RIN3: variants seen among roughly 807,000 people sequenced by gnomAD.
RIN3 encodes Ras and Rab interactor 3.
RIN3 carries 54 observed loss-of-function variants against 76.3 expected under a neutral mutation model. That is an observed-to-expected ratio of 0.71 (90% CI 0.57 to 0.89). RIN3 has a LOEUF of 0.89. Among genes scored for constraint, RIN3 ranks in the 40% least tolerant of loss-of-function variants. The pLI, the probability that RIN3 is intolerant of heterozygous loss-of-function variation, is 0.00. For missense variants in RIN3, 1,256 were observed against 1,322.1 expected, an observed-to-expected ratio of 0.95 and a Z score of 0.78; for synonymous variants, 576 against 564.0, an observed-to-expected ratio of 1.02 and a Z score of -0.30.
At chr14:92,672,037 C>G (rs7151636) in intron 7 of RIN3, among the ~76,000 whole-genome samples, 94,322 of 152,114 alleles carry the variant, frequency 0.62, 29,468 homozygotes, top group East Asian at 0.8. Context: ...GGCTATGAGG[C>G]AAGATGGGAA....
At chr14:92,548,920 T>A (rs1223137936) in intron 1 of RIN3, among the ~76,000 whole-genome samples, 1 of 152,032 alleles carries the variant, frequency 6.6e-6, no homozygotes, top group Non-Finnish European at 1.5e-5. Flanking sequence ...TTAACAGGAT[T>A]TGGGGGCCCA....
In RIN3 at chr14:92,688,168, T is replaced by G; in HGVS notation, c.2874T>G (p.Phe958Leu). The G allele has an allele frequency of 6.2e-7, 1 of 1,608,024 alleles. No homozygotes were observed. Among genetic ancestry groups the G allele is most frequent in the Non-Finnish European group, 8.5e-7 (1 of 1,178,446 alleles). Residue 958 changes from phenylalanine (F) to leucine (L), a missense_variant, in exon 10 of 10, where the codon TTT (phenylalanine) becomes TTG (leucine). Transcript: ENST00000216487. ...LRSEPKRDFH[F>L]VYRPLDGGGG... ...GCGAGCCCAAGCGCGACTTCCACTT[T>G]GTCTACCGGCCCCTGGACGGTGGTG... is the stretch of plus-strand genomic sequence containing the variant.
At chr14:92,531,993 A>C (rs1299496983) in intron 1 of RIN3, among the ~76,000 whole-genome samples, 3 of 146,626 alleles carry the variant, frequency 2.0e-5, no homozygotes, top group Admixed American at 6.8e-5. Flanking sequence ...CAGTGGTGTG[A>C]TCTCGGCTCG....
At chr14:92,548,437 G>A (rs1897337269) in intron 1 of RIN3, among the ~76,000 whole-genome samples, 1 of 152,200 alleles carries the variant, frequency 6.6e-6, no homozygotes, top group South Asian at 2.1e-4. Context: ...TAGGGCTGCA[G>A]TAGCAGGTTA....
intron 3 of RIN3, among the ~76,000 whole-genome samples, chr14:92,590,501 GC>G (rs1325978117): frequency 6.6e-6 from 1 of 152,006 alleles, no homozygotes; most frequent in African/African-American, 2.4e-5. Flanking sequence ...TGAAGTGCCT[GC>G]TCCCACTTCA....
In RIN3 at chr14:92,659,335, C is replaced by T. The variant is rs763204263; in HGVS notation, c.2201C>T (p.Pro734Leu). 7 of 1,612,046 alleles carry T rather than the reference C, an allele frequency of 4.3e-6. No homozygotes were observed. The highest frequency in any genetic ancestry group is 2.7e-5 in the African/African-American group (2 of 74,880). The change falls in exon 7 of 10, where the codon CCG becomes CTG. Residue 734 changes from proline (P) to leucine (L), a missense_variant. This residue lies in a region of RIN3 where 428 missense variants were observed against 521.2 expected (regional missense o/e 0.82). Transcript: ENST00000216487. ...GACCTAGGTGTGACCACCAGCGTGC[C>T]GGAGGTGCCCATGATGGAGAAGATC... ...TTDLGVTTSV[P>L]EVPMMEKILQ...
intron 3 of RIN3, among the ~76,000 whole-genome samples, chr14:92,614,651 G>C (rs1472240856): frequency 2.0e-5 from 3 of 151,706 alleles, no homozygotes; most frequent in Non-Finnish European, 4.4e-5. Context: ...AGTGAATAAG[G>C]CTCACGAGAT....
Position 92,681,864 on chromosome 14 carries a change from T to C in RIN3, c.2468-3123T>C, listed in dbSNP as rs1888674370. Reference sequence around the variant, plus strand: ...CTGTGGTAGCTTTAATTTAGTTTTTTCAAAAAATGTCTCTTATTTATTTTT... The same window carrying C: ...CTGTGGTAGCTTTAATTTAGTTTTTCCAAAAAATGTCTCTTATTTATTTTT... On this transcript the variant is annotated intron_variant, in intron 8 of 9. Transcript: ENST00000216487. This position sits in a 1 kb window ranked among gnomAD's most constrained non-coding sequence, Gnocchi z 4.7. 2.6e-5 allele frequency among the ~76,000 whole-genome samples: 4 copies of C among 152,066 alleles called. No homozygotes were observed. The highest frequency in any genetic ancestry group is 2.6e-4 in the Admixed American group (4 of 15,276).
intron 3 of RIN3, among the ~76,000 whole-genome samples, chr14:92,599,280 G>A (rs546108101): frequency 1.0e-3 from 158 of 152,272 alleles, no homozygotes; most frequent in African/African-American, 3.7e-3. Context: ...GGAGGTTGCC[G>A]AGGATGAAGA....
intron 3 of RIN3, among the ~76,000 whole-genome samples, chr14:92,587,428 G>A (rs915994431): frequency 5.3e-5 from 8 of 152,216 alleles, no homozygotes; most frequent in African/African-American, 1.9e-4. Context: ...CTAGGAAACG[G>A]GAACATAGGG....
In RIN3 at chr14:92,688,787, C is replaced by A. The variant is rs141462929; in HGVS notation, c.*535C>A. ...CAGAGCCTGCTCTTAGCTCCCGGTG[C>A]CCCCAGACCCCGCAGCTCTGTGCCC... On this transcript the variant is annotated 3_prime_UTR_variant, in exon 10 of 10. Coordinates refer to ENST00000216487, the MANE Select transcript of RIN3 (RefSeq NM_024832.5). 2.8e-3 allele frequency: 440 copies of A among 156,478 alleles called. No homozygotes were observed. Among genetic ancestry groups the A allele is most frequent in the South Asian group, 7.6e-3 (39 of 5,150 alleles). The allele number at this position is 156,478 out of a possible 1,614,324, so 9.7% of individuals were successfully genotyped here. A position where few individuals can be genotyped will look rare whatever the true frequency, so the allele number is the denominator to read the frequency against.
At chr14:92,590,160 G>C (rs1201651413) in intron 3 of RIN3, among the ~76,000 whole-genome samples, 1 of 152,218 alleles carries the variant, frequency 6.6e-6, no homozygotes, top group Non-Finnish European at 1.5e-5. Context: ...CCAGTAGCTT[G>C]ACCAGGTTCC....
intron 1 of RIN3, among the ~76,000 whole-genome samples, chr14:92,522,368 T>C (rs1896624126): frequency 6.6e-6 from 1 of 152,098 alleles, no homozygotes; most frequent in Non-Finnish European, 1.5e-5. Context: ...AAAAAATGTA[T>C]TATAGACTTT....
At chr14:92,574,813 G>A (rs1595427762) in intron 2 of RIN3, among the ~76,000 whole-genome samples, 1 of 152,152 alleles carries the variant, frequency 6.6e-6, no homozygotes, top group South Asian at 2.1e-4. Context: ...GCTCTGGAAG[G>A]GCCATACACT....
At position 92,630,348 on chromosome 14, in the gene RIN3, C is replaced by T. The variant is rs368536859; in HGVS notation, c.441-10890C>T. Among the ~76,000 whole-genome samples, 20 of 152,224 alleles carry T rather than the reference C, an allele frequency of 1.3e-4. 1 individual carries two copies. Among genetic ancestry groups the T allele is most frequent in the East Asian group, 5.8e-4 (3 of 5,178 alleles). ...CTCTACTAAAAATGGAAAAATTAGC[C>T]GGGTGTCGTGGCACATGCCTGTAAT... On this transcript the variant is annotated intron_variant, in intron 4 of 9. Transcript: ENST00000216487.
At chr14:92,563,910 A>C (rs1897848474) in intron 2 of RIN3, among the ~76,000 whole-genome samples, 1 of 152,014 alleles carries the variant, frequency 6.6e-6, no homozygotes, top group Non-Finnish European at 1.5e-5. Flanking sequence ...TACACACACA[A>C]ACACACACAC....
At chr14:92,543,599 C>A (rs1234361027) in intron 1 of RIN3, among the ~76,000 whole-genome samples, 1 of 145,242 alleles carries the variant, frequency 6.9e-6, no homozygotes, top group African/African-American at 2.6e-5. Flanking sequence ...CTGGCAATTG[C>A]TACACATCAA....
Position 92,592,231 on chromosome 14 carries a change from G to A in RIN3, c.367+14754G>A, listed in dbSNP as rs1349437221. 4.0e-5 allele frequency among the ~76,000 whole-genome samples: 6 copies of A among 151,660 alleles called. No homozygotes were observed. The East Asian group carries it at 7.7e-4, about 20-fold the overall frequency. On this transcript the variant is annotated intron_variant, in intron 3 of 9. Coordinates refer to ENST00000216487, the MANE Select transcript of RIN3 (RefSeq NM_024832.5). ...AGCCTGGCCAACATGGTGAAACCACGTTTCTACTAAAAATACAAAAAATTA... is the reference window on the plus strand; with the variant it reads ...AGCCTGGCCAACATGGTGAAACCACATTTCTACTAAAAATACAAAAAATTA...
At chr14:92,557,149 T>C (rs1327354293) in intron 2 of RIN3, among the ~76,000 whole-genome samples, 1 of 152,268 alleles carries the variant, frequency 6.6e-6, no homozygotes, top group African/African-American at 2.4e-5. Context: ...AAGCATTCCC[T>C]GAGTACTTGC....
Sources: gnomAD v4.1 joint callset for allele counts (sites outside exome capture counted in the v4.1 genomes callset) on GRCh38, gnomAD v4.1.1 for gene constraint, gnomAD v4.1.1 regional missense constraint, Gnocchi (gnomAD v3.1) non-coding constraint, MANE v1.5 for transcripts, NCBI Gene and HGNC (gene_info 2026-07-23, HGNC 2026-07-21) for gene names.